RBM26: variants seen among roughly 807,000 people sequenced by gnomAD.
RBM26 encodes RNA binding motif protein 26, also known as RNA-binding protein 26.
In RBM26, 30 loss-of-function variants were observed where a neutral mutation model predicts 123.6. The observed-to-expected ratio is 0.24, with a 90% CI of 0.18 to 0.33. RBM26 has a LOEUF of 0.33. Ranked by LOEUF, RBM26 falls within the 10% of genes least tolerant of loss-of-function variation. The pLI, the probability that RBM26 is intolerant of heterozygous loss-of-function variation, is 1.00. For missense variants in RBM26, 947 were observed against 1,203.6 expected (o/e 0.79, Z 3.15); for synonymous variants, 400 against 404.4 (o/e 0.99, Z 0.13).
chr13:79,334,583 AT>A (rs1170183901), intron 19 of RBM26, among the ~76,000 whole-genome samples, 153 bp from the exon 20 acceptor site: 1 of 152,192 alleles, frequency 6.6e-6, no homozygotes, highest in East Asian at 1.9e-4. Context: ...TGAGTAATTT[AT>A]TTTAGTACTT....
intron 17 of RBM26, 22 bp downstream of exon 17, chr13:79,342,642 G>A (rs1178165551): frequency 1.4e-6 from 2 of 1,433,876 alleles, no homozygotes; most frequent in Non-Finnish European, 9.2e-7. Flanking sequence ...GTAATAATAT[G>A]AACAACAATG....
exon 5 of RBM26, chr13:79,313,077 AATATAG>A (rs1481614291): frequency 1.3e-5 from 2 of 151,916 alleles, no homozygotes; most frequent in Non-Finnish European, 2.9e-5. Flanking sequence ...AGTATTGAAA[AATATAG>A]ATATATAAAA....
intron 14 of RBM26, among the ~76,000 whole-genome samples, chr13:79,346,145 T>G (rs1457365019): frequency 1.3e-5 from 2 of 152,210 alleles, no homozygotes; most frequent in Non-Finnish European, 2.9e-5. Flanking sequence ...TTTTAGCCAC[T>G]GAAACATTAA....
At chr13:79,340,512 A>G (rs1039365205) in intron 18 of RBM26, among the ~76,000 whole-genome samples, 4 of 152,062 alleles carry the variant, frequency 2.6e-5, no homozygotes, top group African/African-American at 7.2e-5. Context: ...AATGACGTTA[A>G]TGTCTATTTC....
chr13:79,375,557 A>G (rs538539975), intron 3 of RBM26, among the ~76,000 whole-genome samples: 1 of 152,208 alleles, frequency 6.6e-6, no homozygotes, highest in South Asian at 2.1e-4. Flanking sequence ...GCATATCTCT[A>G]TGTTGCATAA....
At chr13:79,369,435 T>C (rs985654886) in intron 5 of RBM26, among the ~76,000 whole-genome samples, 1 of 152,072 alleles carries the variant, frequency 6.6e-6, no homozygotes, top group African/African-American at 2.4e-5. Context: ...ATATTAAACA[T>C]GCACAAAGAA....
At position 79,378,392 on chromosome 13, in the gene RBM26, C is replaced by T. The variant is rs951517200; in HGVS notation, c.190+397G>A. ...TTATTTAACTTTGTTAAAATTAGGG[C>T]TTCTTACCGAGTTCCTTTAATATTC... On this transcript the variant is annotated intron_variant, in intron 2 of 21. Coordinates refer to ENST00000438737, the MANE Select transcript of RBM26 (RefSeq NM_001366735.2). Among the ~76,000 whole-genome samples the T allele has an allele frequency of 2.0e-5, 3 of 152,240 alleles. No homozygotes were observed. The South Asian group carries it at 6.2e-4, about 32-fold the overall frequency.
chr13:79,362,450 T>A (rs1205063531), intron 9 of RBM26, among the ~76,000 whole-genome samples: 1 of 152,182 alleles, frequency 6.6e-6, no homozygotes, highest in Admixed American at 6.5e-5. Context: ...ATTACTTACT[T>A]CTTCTCTTAC....
intron 14 of RBM26, among the ~76,000 whole-genome samples, chr13:79,348,672 T>C (rs2072716748): frequency 6.6e-6 from 1 of 152,144 alleles, no homozygotes; most frequent in South Asian, 2.1e-4. Flanking sequence ...ATTAATACAG[T>C]TACTGTATGG....
At chr13:79,380,322 A>C (rs2076982240) in intron 1 of RBM26, among the ~76,000 whole-genome samples, 1 of 152,150 alleles carries the variant, frequency 6.6e-6, no homozygotes, top group Non-Finnish European at 1.5e-5. Context: ...TCAATTCATT[A>C]AATTTAAAAT....
At chr13:79,344,838 C>T (rs2072040566) in intron 14 of RBM26, 44 bp from the exon 15 acceptor site, 2 of 1,586,456 alleles carry the variant, frequency 1.3e-6, no homozygotes, top group Admixed American at 3.5e-5. Context: ...ATCAGCCGTT[C>T]ATGATATCCT....
intron 3 of RBM26, among the ~76,000 whole-genome samples, chr13:79,376,062 A>G (rs1167718279): frequency 6.7e-6 from 1 of 149,096 alleles, no homozygotes; most frequent in Non-Finnish European, 1.5e-5. Context: ...AGGCTCAGAA[A>G]AGTAATGTTT....
downstream of RBM26, among the ~76,000 whole-genome samples, chr13:79,315,390 C>G (rs1265347510): frequency 1.3e-5 from 2 of 151,808 alleles, no homozygotes; most frequent in African/African-American, 4.8e-5. Flanking sequence ...CTTAAGGTTT[C>G]CCAAAGATTT....
chr13:79,386,628 G>A (rs73234634), intron 1 of RBM26, among the ~76,000 whole-genome samples: 53 of 135,776 alleles, frequency 3.9e-4, no homozygotes, highest in Non-Finnish European at 7.1e-4. Flanking sequence ...TCTGCAATAT[G>A]GTAACCCATG....
intron 20 of RBM26, 105 bp downstream of exon 20, chr13:79,334,239 A>G: frequency 1.6e-6 from 1 of 636,912 alleles, no homozygotes; most frequent in South Asian, 2.1e-5. Context: ...ACCTATTGTC[A>G]AAGCATATTA....
intron 1 of RBM26, among the ~76,000 whole-genome samples, chr13:79,380,428 A>G (rs1230537966): frequency 6.6e-6 from 1 of 152,052 alleles, no homozygotes; most frequent in Admixed American, 6.6e-5. Flanking sequence ...TAAATAAACT[A>G]CGGCTATCTG....
intron 3 of RBM26, 139 bp from the exon 4 acceptor site, chr13:79,372,069 G>C: frequency 1.7e-6 from 1 of 600,644 alleles, no homozygotes; most frequent in Non-Finnish European, 2.9e-6. Context: ...TCACGAAGTC[G>C]GAAGTTCGAC....
At chr13:79,392,975 T>C (rs1352614759) in intron 1 of RBM26, among the ~76,000 whole-genome samples, 2 of 152,210 alleles carry the variant, frequency 1.3e-5, no homozygotes, top group African/African-American at 4.8e-5. Context: ...AGCAGTCATA[T>C]ACACATGCTG....
intron 1 of RBM26, among the ~76,000 whole-genome samples, chr13:79,398,631 A>G (rs2078798135): frequency 6.6e-6 from 1 of 152,232 alleles, no homozygotes; most frequent in Non-Finnish European, 1.5e-5. Flanking sequence ...TGGAGACAGC[A>G]ATCTTGCACA....
Sources: allele counts gnomAD v4.1 joint callset (sites outside exome capture counted in the v4.1 genomes callset), GRCh38; gene constraint gnomAD v4.1.1; transcripts MANE v1.5; gene names NCBI Gene and HGNC (gene_info 2026-07-23, HGNC 2026-07-21).